ARID5B: variants seen among roughly 807,000 people sequenced by gnomAD.
ARID5B encodes AT-rich interaction domain 5B.
In ARID5B, 13 loss-of-function variants were observed where a neutral mutation model predicts 97.2. That is an observed-to-expected ratio of 0.13 (90% CI 0.09 to 0.21). The LOEUF (loss-of-function observed/expected upper bound fraction) is 0.21, where lower values mean the gene tolerates loss of function less well. Ranked by LOEUF, ARID5B falls within the 10% of genes least tolerant of loss-of-function variation. The pLI, the probability that ARID5B is intolerant of heterozygous loss-of-function variation, is 1.00. For synonymous variants in ARID5B, 556 were observed against 570.3 expected (o/e 0.97, Z 0.36); for missense variants, 1,210 against 1,465.3 (o/e 0.83, Z 2.84).
At chr10:62,045,164 A>G (rs1839690036) in intron 4 of ARID5B, among the ~76,000 whole-genome samples, 1 of 152,188 alleles carries the variant, frequency 6.6e-6, no homozygotes, top group African/African-American at 2.4e-5. Flanking sequence ...GAAAACTGAA[A>G]TTCTGTAAGA....
At chr10:61,903,391 C>A (rs925900614) in intron 2 of ARID5B, among the ~76,000 whole-genome samples, 10 of 152,340 alleles carry the variant, frequency 6.6e-5, no homozygotes, top group African/African-American at 2.4e-4. Flanking sequence ...CGCCTCCCTT[C>A]GGCTCTGTCA....
chr10:62,038,690 A>G (rs1839595804), intron 4 of ARID5B, among the ~76,000 whole-genome samples: 1 of 152,228 alleles, frequency 6.6e-6, no homozygotes, highest in Admixed American at 6.5e-5. Flanking sequence ...GAAAATGTAA[A>G]TTCTAAAACA....
chr10:61,987,595 A>C (rs1445753368), intron 3 of ARID5B, among the ~76,000 whole-genome samples: 1 of 152,254 alleles, frequency 6.6e-6, no homozygotes, highest in Non-Finnish European at 1.5e-5. Context: ...TTTGTGCACC[A>C]TAAGGTCTCT....
Position 62,079,431 on chromosome 10 carries a change from C to G in ARID5B, c.1200-6271C>G, listed in dbSNP as rs145137131. On this transcript the variant is annotated intron_variant, in intron 8 of 9. Coordinates refer to ENST00000279873, the MANE Select transcript of ARID5B (RefSeq NM_032199.3). ...GGTTGAAATTAAAGCATGCAGAGTG[C>G]CTGGTATTAATAAGAATGTAATGCG... is the stretch of plus-strand genomic sequence containing the variant. Among the ~76,000 whole-genome samples the G allele has an allele frequency of 8.1e-4, 124 of 152,176 alleles. 1 individual carries two copies. Among genetic ancestry groups the G allele is most frequent in the African/African-American group, 3.0e-3 (123 of 41,506 alleles).
chr10:61,938,562 T>C (rs1360675511), intron 2 of ARID5B, among the ~76,000 whole-genome samples: 1 of 152,152 alleles, frequency 6.6e-6, no homozygotes, highest in Admixed American at 6.5e-5. Context: ...CAACTACAGA[T>C]CTTTTATTTC....
chr10:62,001,535 C>T (rs1839079857), intron 4 of ARID5B, among the ~76,000 whole-genome samples: 1 of 152,204 alleles, frequency 6.6e-6, no homozygotes, highest in Non-Finnish European at 1.5e-5. Context: ...CAGGAGTCCA[C>T]TATGGCCTCT....
chr10:62,002,210 G>T (rs1839088601), intron 4 of ARID5B, among the ~76,000 whole-genome samples: 2 of 152,222 alleles, frequency 1.3e-5, no homozygotes, highest in African/African-American at 4.8e-5. Flanking sequence ...TCTAGAATTG[G>T]TAATAGAAAG....
At chr10:62,069,646 G>A (rs1589283531) in intron 7 of ARID5B, 54 bp from the exon 8 acceptor site, 1 of 1,489,296 alleles carries the variant, frequency 6.7e-7, no homozygotes, top group African/African-American at 1.4e-5. Flanking sequence ...TTGAAGCCTG[G>A]CACTATGAAT....
In ARID5B at chr10:62,076,478, C is replaced by T. The variant is rs184532789; in HGVS notation, c.1199+6681C>T. On this transcript the variant is annotated intron_variant, in intron 8 of 9. Coordinates refer to ENST00000279873, the MANE Select transcript of ARID5B (RefSeq NM_032199.3). ...AATCACGGGATGAATCACGGGATGG[C>T]TGAATATGGGAAGTGGAGGGTTGCA... Among the ~76,000 whole-genome samples the T allele has an allele frequency of 3.4e-5, 5 of 145,800 alleles. No individual in the cohort carries two copies. The East Asian group carries it at 1.0e-3, about 30-fold the overall frequency.
At chr10:61,951,307 A>T (rs554983134) in intron 3 of ARID5B, among the ~76,000 whole-genome samples, 3 of 152,198 alleles carry the variant, frequency 2.0e-5, no homozygotes, top group Non-Finnish European at 2.9e-5. Context: ...TAGTTGCCTC[A>T]CTGTGTGTTT....
intron 3 of ARID5B, among the ~76,000 whole-genome samples, chr10:61,963,657 A>C (rs778582860): frequency 6.6e-6 from 1 of 151,730 alleles, no homozygotes; most frequent in Non-Finnish European, 1.5e-5. Flanking sequence ...GCCCCACAGA[A>C]AGCTCCATGG....
intron 7 of ARID5B, among the ~76,000 whole-genome samples, chr10:62,060,410 C>T (rs1839907336): frequency 6.6e-6 from 1 of 152,120 alleles, no homozygotes; most frequent in African/African-American, 2.4e-5. Context: ...TAATATGTTT[C>T]ATATATGGCG....
intron 2 of ARID5B, among the ~76,000 whole-genome samples, chr10:61,933,596 C>T (rs551351080): frequency 6.6e-6 from 1 of 152,292 alleles, no homozygotes; most frequent in African/African-American, 2.4e-5. Context: ...ATAAAAACAA[C>T]ATTCATCTCT....
At chr10:62,010,850 G>A (rs1041007290) in intron 4 of ARID5B, among the ~76,000 whole-genome samples, 2 of 152,120 alleles carry the variant, frequency 1.3e-5, no homozygotes, top group East Asian at 1.9e-4. Flanking sequence ...ACCAGAATTC[G>A]CCGTGGCCAA....
At chr10:62,038,796 G>GC in intron 4 of ARID5B, among the ~76,000 whole-genome samples, 1 of 152,118 alleles carries the variant, frequency 6.6e-6, no homozygotes, top group Non-Finnish European at 1.5e-5. Context: ...GTTTCTGCGG[G>GC]TTTTTTTGGT....
chr10:61,985,134 C>G (rs1303113511), intron 3 of ARID5B, among the ~76,000 whole-genome samples: 1 of 151,812 alleles, frequency 6.6e-6, no homozygotes, highest in Admixed American at 6.6e-5. Flanking sequence ...GGTTTCTCTT[C>G]CCTGCGAAGA....
chr10:62,052,126 TAAG>T (rs912142483), intron 5 of ARID5B, among the ~76,000 whole-genome samples: 5 of 152,240 alleles, frequency 3.3e-5, no homozygotes, highest in Non-Finnish European at 5.9e-5. Flanking sequence ...TCCAAAGGGT[TAAG>T]AAGAGATCAA....
chr10:61,983,175 G>C (rs1838799854), intron 3 of ARID5B, among the ~76,000 whole-genome samples: 1 of 152,148 alleles, frequency 6.6e-6, no homozygotes, highest in South Asian at 2.1e-4. Flanking sequence ...CACTCGGCTT[G>C]AAGTAAGGAC....
chr10:61,936,568 G>A (rs1044673173), intron 2 of ARID5B, among the ~76,000 whole-genome samples: 5 of 152,240 alleles, frequency 3.3e-5, no homozygotes, highest in African/African-American at 1.2e-4. Flanking sequence ...CAGGAGCTGA[G>A]ATCGTGCCAC....
Sources: gnomAD v4.1 joint callset for allele counts (sites outside exome capture counted in the v4.1 genomes callset) on GRCh38, gnomAD v4.1.1 for gene constraint, MANE v1.5 for transcripts, NCBI Gene and HGNC (gene_info 2026-07-23, HGNC 2026-07-21) for gene names.